The following KCNIP4 variants were observed in gnomAD, a reference collection of about 807,000 sequenced individuals.
KCNIP4 encodes potassium voltage-gated channel interacting protein 4.
A neutral mutation model predicts 34.0 loss-of-function variants in KCNIP4; 12 were observed. That is an observed-to-expected ratio of 0.35 (90% CI 0.23 to 0.57). The LOEUF (loss-of-function observed/expected upper bound fraction) is 0.57. KCNIP4 is among the 20% of genes least tolerant of loss of function. KCNIP4 has a pLI of 0.83. For missense variants in KCNIP4, 238 were observed against 311.7 expected (o/e 0.76, Z 1.78); for synonymous variants, 124 against 102.2 (o/e 1.21, Z -1.29).
intron 1 of KCNIP4, among the ~76,000 whole-genome samples, chr4:21,528,774 A>G (rs1317570827): frequency 7.2e-5 from 1 of 13,980 alleles, no homozygotes; most frequent in African/African-American, 2.9e-4. Flanking sequence ...AAAGAAAGAA[A>G]GAAAGGAAGA....
chr4:21,719,150 C>T (rs948421345), intron 1 of KCNIP4: 5 of 151,942 alleles, frequency 3.3e-5, no homozygotes, highest in Admixed American at 2.0e-4. Context: ...ATGCTAGAAA[C>T]CAAAAACAGA....
chr4:21,617,400 C>T (rs1744681108), intron 1 of KCNIP4, among the ~76,000 whole-genome samples: 1 of 152,066 alleles, frequency 6.6e-6, no homozygotes, highest in Non-Finnish European at 1.5e-5. Flanking sequence ...AAAAACACCT[C>T]TTTGTGTTTT....
At chr4:21,579,839 A>G (rs1296659724) in intron 1 of KCNIP4, among the ~76,000 whole-genome samples, 2 of 152,202 alleles carry the variant, frequency 1.3e-5, no homozygotes, top group African/African-American at 2.4e-5. Flanking sequence ...ATGTAGCAGA[A>G]CAAGAATATA....
intron 1 of KCNIP4, among the ~76,000 whole-genome samples, chr4:21,423,974 A>G (rs1001957277): frequency 2.1e-5 from 3 of 144,934 alleles, no homozygotes; most frequent in African/African-American, 7.6e-5. Flanking sequence ...TGCCCGGCCA[A>G]TTTTTTTTTT....
chr4:21,364,882 C>T (rs889505427), intron 1 of KCNIP4, among the ~76,000 whole-genome samples: 5 of 152,126 alleles, frequency 3.3e-5, no homozygotes, highest in South Asian at 2.1e-4. Context: ...AGTTGGACTT[C>T]GATGGTTGGG....
At chr4:21,570,579 G>C (rs1740287797) in intron 1 of KCNIP4, among the ~76,000 whole-genome samples, 1 of 152,102 alleles carries the variant, frequency 6.6e-6, no homozygotes, top group Admixed American at 6.5e-5. Flanking sequence ...TGGATAACTT[G>C]TGGCATCCAT....
intron 5 of KCNIP4, among the ~76,000 whole-genome samples, chr4:20,740,481 A>G (rs1750800037): frequency 6.6e-6 from 1 of 152,186 alleles, no homozygotes; most frequent in Non-Finnish European, 1.5e-5. Flanking sequence ...ACTAAGCTTC[A>G]TAAGTGAAGG....
rs75524245 is a variant in KCNIP4 at position 21,459,724 on chromosome 4, G to A, written c.61+488847C>T. 7.0e-3 allele frequency among the ~76,000 whole-genome samples: 1,068 copies of A among 152,052 alleles called. 55 individuals carry two copies. In the East Asian group the frequency reaches 0.13, roughly 19 times the overall value. ...CAGGACAGGTGAAGTCTTATAATTAGTGAGGTCAAAAATGTTAGTATCATG... is the reference window on the plus strand; with the variant it reads ...CAGGACAGGTGAAGTCTTATAATTAATGAGGTCAAAAATGTTAGTATCATG... On this transcript the variant is annotated intron_variant, in intron 1 of 8. Coordinates refer to ENST00000382152, the MANE Select transcript of KCNIP4 (RefSeq NM_025221.6).
rs60433597 is a variant in KCNIP4 at position 21,474,162 on chromosome 4, C to A, written c.61+474409G>T. Among the ~76,000 whole-genome samples the A allele has an allele frequency of 6.8e-3, 1,039 of 152,210 alleles. 49 individuals are homozygous for A. In the East Asian group the frequency reaches 0.12, roughly 17 times the overall value. ...GCAGAATCCTAGGGTAAAAATATCA[C>A]CTTTATTTTCTTTCATGAACTCTAT... On this transcript the variant is annotated intron_variant, in intron 1 of 8. Coordinates refer to ENST00000382152, the MANE Select transcript of KCNIP4 (RefSeq NM_025221.6).
At chr4:21,094,962 C>A (rs892635668) in intron 1 of KCNIP4, among the ~76,000 whole-genome samples, 1 of 152,070 alleles carries the variant, frequency 6.6e-6, no homozygotes, top group Non-Finnish European at 1.5e-5. Flanking sequence ...ATGATACTGC[C>A]TTCTCCATGG....
intron 1 of KCNIP4, among the ~76,000 whole-genome samples, chr4:21,066,829 A>G (rs6845231): frequency 0.27 from 40,595 of 152,044 alleles, 5,659 homozygotes; most frequent in African/African-American, 0.34. Context: ...TGAGGACTGC[A>G]ATCCCTGGGC....
chr4:21,123,013 A>G (rs1364013331), intron 1 of KCNIP4, among the ~76,000 whole-genome samples: 1 of 152,086 alleles, frequency 6.6e-6, no homozygotes, highest in Admixed American at 6.6e-5. Context: ...GATCAAGACC[A>G]TCCTGGCTAA....
chr4:21,131,727 C>T lies in KCNIP4; in HGVS notation c.62-249018G>A, dbSNP rs73805006. Among the ~76,000 whole-genome samples the T allele has an allele frequency of 5.4e-3, 827 of 152,292 alleles. 5 individuals are homozygous for T. Among genetic ancestry groups the T allele is most frequent in the African/African-American group, 0.017 (727 of 41,564 alleles). ...GCTTTTGATCTGGTCATTGATTACC[C>T]TGTTGTGTCCAGTTTATTAGAAATA... On this transcript the variant is annotated intron_variant, in intron 1 of 8. Transcript: ENST00000382152.
chr4:21,368,761 C>T (rs1720049435), intron 1 of KCNIP4, among the ~76,000 whole-genome samples: 1 of 147,386 alleles, frequency 6.8e-6, no homozygotes, highest in Non-Finnish European at 1.5e-5. Context: ...TCACCCTTTC[C>T]TTGAGGAGTT....
intron 3 of KCNIP4, among the ~76,000 whole-genome samples, chr4:20,822,860 T>G (rs1192815828): frequency 6.6e-6 from 1 of 152,138 alleles, no homozygotes; most frequent in Non-Finnish European, 1.5e-5. Context: ...TGGTCCACCC[T>G]CAGGAATAGG....
At chr4:21,629,457 AT>A (rs1449037800) in intron 1 of KCNIP4, among the ~76,000 whole-genome samples, 4 of 152,184 alleles carry the variant, frequency 2.6e-5, no homozygotes, top group African/African-American at 7.2e-5. Flanking sequence ...AGGCGCTTTC[AT>A]GTGAAATGCC....
At chr4:21,818,199 A>C (rs796417401) in intron 1 of KCNIP4, among the ~76,000 whole-genome samples, 3 of 152,290 alleles carry the variant, frequency 2.0e-5, no homozygotes, top group African/African-American at 7.2e-5. Context: ...GCCGGCCGAC[A>C]CTTATGGAAA....
At chr4:21,528,706 A>G (rs1428632291) in intron 1 of KCNIP4, among the ~76,000 whole-genome samples, 8 of 220 alleles carry the variant, frequency 0.036, 1 homozygote, top group Admixed American at 0.042. Context: ...AAAGAAAGAA[A>G]GAAAGAAAGA....
At chr4:20,827,820 A>C (rs1717940711) in intron 3 of KCNIP4, among the ~76,000 whole-genome samples, 8 of 152,030 alleles carry the variant, frequency 5.3e-5, no homozygotes. Context: ...AAAAAAAAAA[A>C]AAACAAAGAA....
Sources: allele counts gnomAD v4.1 joint callset (sites outside exome capture counted in the v4.1 genomes callset), GRCh38; gene constraint gnomAD v4.1.1; transcripts MANE v1.5; gene names NCBI Gene and HGNC (gene_info 2026-07-23, HGNC 2026-07-21).